Variants in LRRFIP1 observed in about 807,000 individuals in gnomAD.
LRRFIP1 encodes the protein leucine-rich repeat flightless-interacting protein 1.
Under a neutral mutation model 104.4 loss-of-function variants are expected in LRRFIP1, and 62 were observed. That is an observed-to-expected ratio of 0.59 (90% confidence interval 0.48 to 0.73). The LOEUF (loss-of-function observed/expected upper bound fraction) is 0.73. LRRFIP1 is among the 30% of genes least tolerant of loss of function. The pLI, the probability that LRRFIP1 is intolerant of heterozygous loss-of-function variation, is 0.00. For synonymous variants in LRRFIP1, 300 were observed against 299.0 expected (o/e 1.00, Z -0.03); for missense variants, 796 against 824.5 (o/e 0.97, Z 0.42).
intron 1 of LRRFIP1, among the ~76,000 whole-genome samples, chr2:237,640,541 C>T (rs1472749803): frequency 6.6e-6 from 1 of 152,086 alleles, no homozygotes; most frequent in Non-Finnish European, 1.5e-5. Flanking sequence ...GTCCTTCACC[C>T]CCCAGGACCA....
intron 10 of LRRFIP1, among the ~76,000 whole-genome samples, chr2:237,736,650 C>A (rs182130873): frequency 3.3e-5 from 5 of 152,260 alleles, no homozygotes; most frequent in Admixed American, 3.3e-4. Context: ...TGCTCTTCTG[C>A]GAGCAGTGAT....
Position 237,754,316 on chromosome 2 carries a change from T to G in LRRFIP1, c.1038+837T>G, listed in dbSNP as rs148632255. Among the ~76,000 whole-genome samples, 150 of 152,318 alleles carry G rather than the reference T, an allele frequency of 9.8e-4. 2 individuals are homozygous for G. In the East Asian group the frequency reaches 0.022, roughly 22 times the overall value. On this transcript the variant is annotated intron_variant, in intron 15 of 23. Transcript: ENST00000308482. The stretch of plus-strand genomic sequence containing the variant: ...ATATCACCAAGCTCAGAGAGAGAGA[T>G]AGTCTTATCTGAGCTTTCATTAGGA...
At chr2:237,771,960 T>TG (rs1246861040) in intron 20 of LRRFIP1, 121 bp from the exon 21 acceptor site, 1 of 658,416 alleles carries the variant, frequency 1.5e-6, no homozygotes, top group East Asian at 2.7e-5. Flanking sequence ...AGAGTACTGA[T>TG]GGACACAAAG....
intron 1 of LRRFIP1, among the ~76,000 whole-genome samples, chr2:237,636,754 G>T (rs1379213416): frequency 6.6e-6 from 1 of 152,238 alleles, no homozygotes; most frequent in Non-Finnish European, 1.5e-5. Context: ...ATGTCACAAA[G>T]TGTGAACAGG....
chr2:237,662,734 T>C (rs1354982783), intron 1 of LRRFIP1, among the ~76,000 whole-genome samples: 1 of 152,068 alleles, frequency 6.6e-6, no homozygotes, highest in Non-Finnish European at 1.5e-5. Context: ...TGGAACTGCT[T>C]CTGAGGTAGG....
At chr2:237,741,293 A>G (rs1171921130) in intron 11 of LRRFIP1, among the ~76,000 whole-genome samples, 1 of 152,242 alleles carries the variant, frequency 6.6e-6, no homozygotes, top group Non-Finnish European at 1.5e-5. Context: ...TGTTATTCAA[A>G]TAACTGAAAG....
chr2:237,734,463 T>C (rs979652785), intron 9 of LRRFIP1, among the ~76,000 whole-genome samples: 2 of 151,954 alleles, frequency 1.3e-5, no homozygotes, highest in African/African-American at 2.4e-5. Flanking sequence ...GTGTTTTCAG[T>C]AGAGACGGGT....
chr2:237,729,290 T>C (rs1294779537), intron 8 of LRRFIP1, among the ~76,000 whole-genome samples: 1 of 152,238 alleles, frequency 6.6e-6, no homozygotes, highest in Non-Finnish European at 1.5e-5. Flanking sequence ...GCATTTGCAC[T>C]CTGTGGATAA....
intron 19 of LRRFIP1, chr2:237,763,428 AG>A: frequency 6.2e-7 from 1 of 1,613,768 alleles, no homozygotes; most frequent in South Asian, 1.1e-5. Flanking sequence ...ACAAAGAACA[AG>A]AAAAAGAAAA....
intron 8 of LRRFIP1, among the ~76,000 whole-genome samples, chr2:237,730,090 A>G (rs1281746568): frequency 1.3e-5 from 2 of 152,234 alleles, no homozygotes; most frequent in Non-Finnish European, 2.9e-5. Flanking sequence ...AGCTGGCTGC[A>G]ATGAAAGGAC....
At chr2:237,707,112 C>T (rs943079984) in intron 1 of LRRFIP1, among the ~76,000 whole-genome samples, 1 of 152,114 alleles carries the variant, frequency 6.6e-6, no homozygotes, top group African/African-American at 2.4e-5. Context: ...CAGGCAACCT[C>T]AAGACGACAG....
At position 237,761,516 on chromosome 2, in the gene LRRFIP1, TGTTG is replaced by T. The variant is rs1172741148; in HGVS notation, c.1459+1312_1459+1315del. ...TAAATCTTTGATAACCATTGTGAAA[TGTTG>T]TAAGAACCAGAAATGTCAGTTTTGA... On this transcript the variant is annotated intron_variant, in intron 19 of 23. Transcript: ENST00000308482. Among the ~76,000 whole-genome samples the T allele has an allele frequency of 4.6e-5, 7 of 152,378 alleles. No homozygotes were observed. In the East Asian group the frequency reaches 1.2e-3, roughly 25 times the overall value.
At chr2:237,695,739 C>T (rs1263881321) in intron 1 of LRRFIP1, among the ~76,000 whole-genome samples, 1 of 151,886 alleles carries the variant, frequency 6.6e-6, no homozygotes, top group Non-Finnish European at 1.5e-5. Flanking sequence ...TACTGGAGGC[C>T]GCCCAAATTT....
intron 23 of LRRFIP1, among the ~76,000 whole-genome samples, chr2:237,775,686 T>G (rs1004112975): frequency 6.6e-6 from 1 of 152,048 alleles, no homozygotes; most frequent in Non-Finnish European, 1.5e-5. Flanking sequence ...GCAAAAAAAC[T>G]AATTAGCCGG....
At chr2:237,763,751 G>T (rs1295536108) in intron 19 of LRRFIP1, 1 of 1,614,130 alleles carries the variant, frequency 6.2e-7, no homozygotes, top group African/African-American at 1.3e-5. Context: ...ATTAGATTTT[G>T]AGGATGACAC....
chr2:237,709,753 C>T (rs1306929755), intron 2 of LRRFIP1, among the ~76,000 whole-genome samples: 3 of 152,158 alleles, frequency 2.0e-5, no homozygotes, highest in Non-Finnish European at 4.4e-5. Context: ...AGCCCTGGAA[C>T]CATCCTGCAC....
intron 11 of LRRFIP1, among the ~76,000 whole-genome samples, chr2:237,741,230 G>A (rs377293808): frequency 6.6e-6 from 1 of 152,226 alleles, no homozygotes; most frequent in African/African-American, 2.4e-5. Context: ...ATACTCAGCT[G>A]TTCATTATGA....
intron 1 of LRRFIP1, among the ~76,000 whole-genome samples, chr2:237,676,599 C>T (rs546907332): frequency 2.6e-5 from 4 of 152,228 alleles, no homozygotes; most frequent in South Asian, 2.1e-4. Context: ...TCCGCCTCTC[C>T]GGTTCAAGGG....
At chr2:237,639,201 G>A (rs2083540253) in intron 1 of LRRFIP1, among the ~76,000 whole-genome samples, 1 of 152,176 alleles carries the variant, frequency 6.6e-6, no homozygotes, top group African/African-American at 2.4e-5. Flanking sequence ...ATGTGCCCCA[G>A]GGCTGAGATG....
Sources: gnomAD v4.1 joint callset for allele counts (sites outside exome capture counted in the v4.1 genomes callset) on GRCh38, gnomAD v4.1.1 for gene constraint, MANE v1.5 for transcripts, NCBI Gene and HGNC (gene_info 2026-07-23, HGNC 2026-07-21) for gene names.